The following MRPS25 variants were observed in gnomAD, a reference collection of about 807,000 sequenced individuals.
MRPS25 encodes mitochondrial ribosomal protein S25, also known as small ribosomal subunit protein mS25.
MRPS25 carries 15 observed loss-of-function variants against 17.3 expected under a neutral mutation model. The ratio of observed to expected loss-of-function variants is 0.87; its 90% CI spans 0.58 to 1.34. The LOEUF (loss-of-function observed/expected upper bound fraction) is 1.34. Ranked by LOEUF, MRPS25 falls within the 40% of genes most tolerant of loss-of-function variation. MRPS25 has a pLI of 0.00. For missense variants in MRPS25, 225 were observed against 218.6 expected (o/e 1.03, Z -0.19); for synonymous variants, 94 against 83.3 (o/e 1.13, Z -0.70).
At chr3:15,064,868 C>T (rs1340889020) in intron 1 of MRPS25, among the ~76,000 whole-genome samples, 193 bp downstream of exon 1, 1 of 152,222 alleles carries the variant, frequency 6.6e-6, no homozygotes, top group Non-Finnish European at 1.5e-5. Flanking sequence ...CTCGTCACGA[C>T]TGCAGCCGGC....
intron 2 of MRPS25, 150 bp downstream of exon 2, chr3:15,059,219 C>A: frequency 1.6e-6 from 1 of 616,016 alleles, no homozygotes; most frequent in South Asian, 1.8e-5. Context: ...CTGCTGAGTG[C>A]CTCGGTATGG....
At chr3:15,064,415 G>A (rs2042826694) in intron 1 of MRPS25, among the ~76,000 whole-genome samples, 1 of 152,122 alleles carries the variant, frequency 6.6e-6, no homozygotes, top group African/African-American at 2.4e-5. Flanking sequence ...GTCTGCCGCT[G>A]CACAGCTGAC....
chr3:15,061,085 A>T (rs1446042518), intron 1 of MRPS25, among the ~76,000 whole-genome samples: 1 of 152,152 alleles, frequency 6.6e-6, no homozygotes, highest in Non-Finnish European at 1.5e-5. Context: ...ACTAGGACAT[A>T]GCCAGGTGAG....
chr3:15,054,895 C>T (rs1268857792), intron 2 of MRPS25, among the ~76,000 whole-genome samples: 1 of 152,148 alleles, frequency 6.6e-6, no homozygotes, highest in Non-Finnish European at 1.5e-5. Context: ...TTAGTTCATT[C>T]TCTCACATTG....
rs2042547261 is a variant in MRPS25 at position 15,048,836 on chromosome 3, G to GTAAC, written c.*3601_*3604dup. ...GTAGTTTGGACTTCTCTGTTAGAAT[G>GTAAC]TAACTGCATTACCAGCCCTTTTAAA... On this transcript the variant is annotated 3_prime_UTR_variant, in exon 4 of 4. Coordinates refer to ENST00000253686, the MANE Select transcript of MRPS25 (RefSeq NM_022497.5). 6.6e-6 allele frequency: 1 copy of GTAAC among 152,656 alleles called. No individual in the cohort carries two copies. The allele number at this position is 152,656 out of a possible 1,614,324, so 9.5% of individuals were successfully genotyped here.
downstream of MRPS25, chr3:15,043,360 G>GTA (rs537609502): frequency 2.8e-3 from 445 of 158,060 alleles, 3 homozygotes; most frequent in East Asian, 6.6e-3. Context: ...TAGTATGTGT[G>GTA]TATATATATA....
In MRPS25 at chr3:15,050,673, G is replaced by C; in HGVS notation, c.*1768C>G. Reference sequence around the variant, plus strand: ...CCACCCAGCCAAAATGCTGATAGCAGAGAGACAAGATGCTAGATTTCAATT... The same window carrying C: ...CCACCCAGCCAAAATGCTGATAGCACAGAGACAAGATGCTAGATTTCAATT... On this transcript the variant is annotated 3_prime_UTR_variant, in exon 4 of 4. Transcript: ENST00000253686. 1.0e-6 allele frequency: 1 copy of C among 985,396 alleles called. No individual in the cohort carries two copies. Among genetic ancestry groups the C allele is most frequent in the Non-Finnish European group, 1.2e-6 (1 of 829,936 alleles). 61.0% of individuals were successfully genotyped at this position (985,396 alleles called of 1,614,324 possible).
At chr3:15,048,326 C>T (rs765788262), downstream of MRPS25, 12 of 152,588 alleles carry the variant, frequency 7.9e-5, no homozygotes, top group Non-Finnish European at 8.8e-5. Context: ...AGTTAAAATG[C>T]AATTGGAAAC....
At chr3:15,059,502 T>C (rs764238003) in intron 1 of MRPS25, 27 bp from the exon 2 acceptor site, 5 of 1,499,988 alleles carry the variant, frequency 3.3e-6, no homozygotes, top group Non-Finnish European at 4.6e-6. Context: ...ATGAAGCCTA[T>C]GAAACAGAGT....
At chr3:15,043,097 A>G (rs1280656202), downstream of MRPS25, 7 of 1,255,596 alleles carry the variant, frequency 5.6e-6, no homozygotes, top group Middle Eastern at 2.0e-4. Context: ...GTATGTGCAA[A>G]TATTTCCATA....
rs193246327 is a variant in MRPS25, at chr3:15,051,193, T to C, written c.*1248A>G. ...TTTATAATTAAACTTATTTAAAAAA[T>C]TTTTTTTCTTGAGACAGTCTTGCTC... On this transcript the variant is annotated 3_prime_UTR_variant, in exon 4 of 4. Coordinates refer to ENST00000253686, the MANE Select transcript of MRPS25 (RefSeq NM_022497.5). 1.6e-5 allele frequency: 16 copies of C among 983,300 alleles called. No homozygotes were observed. In the African/African-American group the frequency reaches 2.3e-4, roughly 14 times the overall value. The allele number at this position is 983,300 out of a possible 1,614,324, so 60.9% of individuals were successfully genotyped here.
At chr3:15,055,979 C>T (rs1411703077) in intron 2 of MRPS25, among the ~76,000 whole-genome samples, 7 of 151,318 alleles carry the variant, frequency 4.6e-5, no homozygotes, top group South Asian at 4.2e-4. Flanking sequence ...TTTGGGAGGC[C>T]GAGGCGGGCG....
intron 2 of MRPS25, among the ~76,000 whole-genome samples, chr3:15,054,803 G>A (rs79817435): frequency 0.017 from 2,591 of 152,166 alleles, 64 homozygotes; most frequent in African/African-American, 0.059. Context: ...ATCTGATAAA[G>A]GACTTATATC....
At chr3:15,057,059 C>G (rs920360842) in intron 2 of MRPS25, among the ~76,000 whole-genome samples, 2 of 152,212 alleles carry the variant, frequency 1.3e-5, no homozygotes, top group Non-Finnish European at 2.9e-5. Flanking sequence ...TTCTTGGCAG[C>G]CAGGAGGCCC....
chr3:15,062,408 CCCCGCCCGGCCAGCCG>C lies in MRPS25; in HGVS notation c.134+2637_134+2652del, dbSNP rs2042783640. Among the ~76,000 whole-genome samples, 10 of 93,574 alleles carry C rather than the reference CCCCGCCCGGCCAGCCG, an allele frequency of 1.1e-4. 1 individual carries two copies. In the South Asian group the frequency reaches 4.2e-3, roughly 39 times the overall value. The allele number at this position is 93,574 out of a possible 152,430, so 61.4% of individuals were successfully genotyped here. A position where few individuals can be genotyped will look rare whatever the true frequency, so the allele number is the denominator to read the frequency against. ...CCGGGAGGGAGGTGGGGGGTCAGCCCCCCGCCCGGCCAGCCGCCCCATCCGGGAGGGAGGTGGGGGG... is the reference window on the plus strand; with the variant it reads ...CCGGGAGGGAGGTGGGGGGTCAGCCCCCCCATCCGGGAGGGAGGTGGGGGG... On this transcript the variant is annotated intron_variant, in intron 1 of 3. Coordinates refer to ENST00000253686, the MANE Select transcript of MRPS25 (RefSeq NM_022497.5).
rs1333754969 is a variant in MRPS25, at chr3:15,051,186, T to A, written c.*1255A>T. 2.8e-5 allele frequency: 28 copies of A among 984,314 alleles called. No individual in the cohort carries two copies. Among genetic ancestry groups the A allele is most frequent in the Non-Finnish European group, 3.4e-5 (28 of 828,940 alleles). The allele number at this position is 984,314 out of a possible 1,614,324, so 61.0% of individuals were successfully genotyped here. A position where few individuals can be genotyped will look rare whatever the true frequency, so the allele number is the denominator to read the frequency against. On this transcript the variant is annotated 3_prime_UTR_variant, in exon 4 of 4. Coordinates refer to ENST00000253686, the MANE Select transcript of MRPS25 (RefSeq NM_022497.5). Reference sequence around the variant, plus strand: ...CCTTCACTTTATAATTAAACTTATTTAAAAAATTTTTTTTCTTGAGACAGT... The same window carrying A: ...CCTTCACTTTATAATTAAACTTATTAAAAAAATTTTTTTTCTTGAGACAGT...
Position 15,052,258 on chromosome 3 carries a change from C to T in MRPS25, c.*183G>A. 1 of 1,360,794 alleles carries T rather than the reference C, an allele frequency of 7.3e-7. No homozygotes were observed. Among genetic ancestry groups the T allele is most frequent in the Non-Finnish European group, 9.4e-7 (1 of 1,058,534 alleles). The allele number at this position is 1,360,794 out of a possible 1,614,324, so 84.3% of individuals were successfully genotyped here. A position where few individuals can be genotyped will look rare whatever the true frequency, so the allele number is the denominator to read the frequency against. ...CAGCAGAGCAGGGATATTCATTTAG[C>T]AGCTCAGCTTCAGACCCTCCTCTCC... is the stretch of plus-strand genomic sequence containing the variant. On this transcript the variant is annotated 3_prime_UTR_variant, in exon 4 of 4. Transcript: ENST00000253686.
At position 15,052,171 on chromosome 3, in the gene MRPS25, G is replaced by A. The variant is rs2125131750; in HGVS notation, c.*270C>T. 8.5e-7 allele frequency: 1 copy of A among 1,179,716 alleles called. No individual in the cohort carries two copies. Among genetic ancestry groups the A allele is most frequent in the South Asian group, 3.4e-5 (1 of 29,172 alleles). 73.1% of individuals were successfully genotyped at this position (1,179,716 alleles called of 1,614,324 possible). A position where few individuals can be genotyped will look rare whatever the true frequency, so the allele number is the denominator to read the frequency against. On this transcript the variant is annotated 3_prime_UTR_variant, in exon 4 of 4. Transcript: ENST00000253686. ...AGGCCCAAAGCCTTTCTGCTACACA[G>A]GCCTTCCTCTTCACTAGGACCAGAT...
At chr3:15,058,343 C>T (rs1328688445) in intron 2 of MRPS25, among the ~76,000 whole-genome samples, 1 of 152,200 alleles carries the variant, frequency 6.6e-6, no homozygotes, top group Non-Finnish European at 1.5e-5. Flanking sequence ...GCGCCCACCA[C>T]CACGCCCGGC....
Sources: gnomAD v4.1 joint callset for allele counts (sites outside exome capture counted in the v4.1 genomes callset) on GRCh38, gnomAD v4.1.1 for gene constraint, MANE v1.5 for transcripts, NCBI Gene and HGNC (gene_info 2026-07-23, HGNC 2026-07-21) for gene names.